The following IAPP variants were observed in gnomAD, a reference collection of about 807,000 sequenced individuals.
The protein encoded by IAPP is Islet amyloid polypeptide (diabetes-associated peptide; amylin).
IAPP carries 4 observed loss-of-function variants against 2.9 expected under a neutral mutation model. The ratio of observed to expected loss-of-function variants is 1.39; its 90% CI spans 0.69 to 3.19. IAPP has a LOEUF of 3.19. IAPP is among the 30% of genes most tolerant of loss of function. The pLI is 0.01. For missense variants in IAPP, 114 were observed against 105.3 expected, an observed-to-expected ratio of 1.08 and a Z score of -0.36; for synonymous variants, 40 against 42.1, an observed-to-expected ratio of 0.95 and a Z score of 0.19.
At chr12:21,376,297 A>C (rs750722975) in intron 2 of IAPP, 2 of 336,326 alleles carry the variant, frequency 5.9e-6, no homozygotes, top group Non-Finnish European at 1.2e-5. Context: ...TTTGACCCAT[A>C]ATTTTCCTTT....
rs531684403 is a variant in IAPP at position 21,363,882 on chromosome 12, T to C, written c.-16+8869T>C. ...AATCCCTGAATAGACCAATAACAGGTTCTGAAATTGAGGCAATAATTAATA... is the reference window on the plus strand; with the variant it reads ...AATCCCTGAATAGACCAATAACAGGCTCTGAAATTGAGGCAATAATTAATA... On this transcript the variant is annotated intron_variant, in intron 1 of 2. Coordinates refer to the IAPP transcript ENST00000539393. Among the ~76,000 whole-genome samples, 25 of 151,798 alleles carry C rather than the reference T, an allele frequency of 1.6e-4. No individual in the cohort carries two copies. In the South Asian group the frequency reaches 4.8e-3, roughly 29 times the overall value.
chr12:21,363,935 C>T (rs1031178175), intron 1 of IAPP, among the ~76,000 whole-genome samples: 1 of 152,082 alleles, frequency 6.6e-6, no homozygotes, highest in African/African-American at 2.4e-5. Flanking sequence ...AGTCCAGGAC[C>T]AGATGGATTC....
chr12:21,373,614 TA>T (rs1939962912), intron 2 of IAPP, 183 bp downstream of exon 2: 1 of 700,774 alleles, frequency 1.4e-6, no homozygotes, highest in African/African-American at 1.8e-5. Context: ...CAGTGGCAAA[TA>T]AATATCTTTG....
At chr12:21,365,455 C>G (rs544225610) in intron 1 of IAPP, among the ~76,000 whole-genome samples, 2 of 152,152 alleles carry the variant, frequency 1.3e-5, no homozygotes, top group Non-Finnish European at 1.5e-5. Context: ...TAGAAGAAAA[C>G]CTAGGCCATA....
chr12:21,367,430 A>G (rs2079343874), intron 1 of IAPP, among the ~76,000 whole-genome samples: 1 of 152,156 alleles, frequency 6.6e-6, no homozygotes, highest in Non-Finnish European at 1.5e-5. Context: ...CAGTTTGGAG[A>G]AAAGCAGAAG....
intron 2 of IAPP, chr12:21,373,837 A>C: frequency 1.9e-6 from 1 of 535,172 alleles, no homozygotes; most frequent in Non-Finnish European, 3.3e-6. Context: ...TATATTACTT[A>C]GATTTTTGTT....
chr12:21,360,255 T>C (rs1429103493), intron 1 of IAPP, among the ~76,000 whole-genome samples: 2 of 152,206 alleles, frequency 1.3e-5, no homozygotes, highest in East Asian at 3.8e-4. Context: ...TTCAGGAGTG[T>C]GTGCATTGGC....
At chr12:21,370,394 A>G (rs777718710), upstream of IAPP, among the ~76,000 whole-genome samples, 5 of 151,558 alleles carry the variant, frequency 3.3e-5, no homozygotes, top group Non-Finnish European at 7.4e-5. Flanking sequence ...TTTGTTACAT[A>G]TATATACATG....
At chr12:21,356,794 A>G (rs1938402577) in intron 1 of IAPP, among the ~76,000 whole-genome samples, 1 of 152,160 alleles carries the variant, frequency 6.6e-6, no homozygotes, top group Non-Finnish European at 1.5e-5. Context: ...TAAAAAGTAT[A>G]AAGAAGGATT....
intron 2 of IAPP, among the ~76,000 whole-genome samples, chr12:21,375,382 A>G (rs1398889429): frequency 6.6e-6 from 1 of 152,218 alleles, no homozygotes; most frequent in African/African-American, 2.4e-5. Flanking sequence ...CATATCTCAC[A>G]GAAAGCTAGG....
chr12:21,368,291 G>T (rs2137075383), upstream of IAPP, among the ~76,000 whole-genome samples: 1 of 152,218 alleles, frequency 6.6e-6, no homozygotes, highest in East Asian at 1.9e-4. Flanking sequence ...CGTGTTAAAT[G>T]ATACCACACG....
At chr12:21,363,028 C>G (rs1175322017) in intron 1 of IAPP, among the ~76,000 whole-genome samples, 1 of 152,204 alleles carries the variant, frequency 6.6e-6, no homozygotes. Context: ...TTAAACTCAG[C>G]TCTGCACCAA....
chr12:21,378,410 A>G lies in IAPP; in HGVS notation c.254A>G (p.Asn85Ser), dbSNP rs147525401. ...AVEVLKREPL[N>S]YLPL ...GAGGTTTTAAAGAGAGAGCCACTGAATTACTTGCCCCTTTAGAGGACAATG... is the reference window on the plus strand; with the variant it reads ...GAGGTTTTAAAGAGAGAGCCACTGAGTTACTTGCCCCTTTAGAGGACAATG... The change falls in exon 3 of 3, where the codon AAT becomes AGT. Residue 85 changes from asparagine to serine, a missense_variant. Transcript: ENST00000240652. 280 of 1,613,498 alleles carry G rather than the reference A, an allele frequency of 1.7e-4. 1 individual carries two copies. In the African/African-American group the frequency reaches 3.1e-3, roughly 18 times the overall value.
chr12:21,356,533 A>C (rs1264936041), intron 1 of IAPP, among the ~76,000 whole-genome samples: 1 of 128,396 alleles, frequency 7.8e-6, no homozygotes, highest in Non-Finnish European at 1.7e-5. Flanking sequence ...GAAAAAAATG[A>C]GTCATGATCA....
In IAPP at chr12:21,378,460, T is replaced by G; in HGVS notation, c.*34T>G. ...GTAACTCTATAGTTATTGTTTTATG[T>G]TCTAGTGATTTCCTGTATAATTTAA... is the stretch of plus-strand genomic sequence containing the variant. On this transcript the variant is annotated 3_prime_UTR_variant, in exon 3 of 3. Coordinates refer to ENST00000240652, the MANE Select transcript of IAPP (RefSeq NM_000415.3). The G allele has an allele frequency of 6.5e-7, 1 of 1,527,390 alleles. No homozygotes were observed. The highest frequency in any genetic ancestry group is 9.1e-7 in the Non-Finnish European group (1 of 1,100,980). The allele number at this position is 1,527,390 out of a possible 1,614,324, so 94.6% of individuals were successfully genotyped here.
At chr12:21,360,629 T>C (rs1938770032) in intron 1 of IAPP, among the ~76,000 whole-genome samples, 1 of 152,202 alleles carries the variant, frequency 6.6e-6, no homozygotes. Flanking sequence ...GGGAATTCCC[T>C]TTCCTAGCAA....
intron 1 of IAPP, among the ~76,000 whole-genome samples, chr12:21,357,639 T>G (rs578027867): frequency 1.3e-5 from 2 of 152,338 alleles, no homozygotes; most frequent in Non-Finnish European, 2.9e-5. Flanking sequence ...GAATGAATAA[T>G]TCAAGCATTA....
At chr12:21,367,177 A>G (rs1939451280) in intron 1 of IAPP, among the ~76,000 whole-genome samples, 1 of 152,168 alleles carries the variant, frequency 6.6e-6, no homozygotes, top group Non-Finnish European at 1.5e-5. Context: ...TTAGAATACA[A>G]TGAAATAATG....
chr12:21,376,878 A>G lies in IAPP; in HGVS notation c.81-1359A>G, dbSNP rs375998254. On this transcript the variant is annotated intron_variant, in intron 2 of 2. Coordinates refer to ENST00000240652, the MANE Select transcript of IAPP (RefSeq NM_000415.3). ...TTTCCATTTACCCTAAGTTTCACCA[A>G]TATTTTGATTTCTATGGAGCTGAAA... 2.1e-4 allele frequency among the ~76,000 whole-genome samples: 32 copies of G among 152,244 alleles called. No homozygotes were observed. The East Asian group carries it at 5.2e-3, about 25-fold the overall frequency.
Sources: allele counts gnomAD v4.1 joint callset (sites outside exome capture counted in the v4.1 genomes callset), GRCh38; gene constraint gnomAD v4.1.1; transcripts MANE v1.5; gene names NCBI Gene and HGNC (gene_info 2026-07-23, HGNC 2026-07-21).